The following BLTP3B variants were observed in gnomAD, a reference collection of about 807,000 sequenced individuals.
BLTP3B encodes the protein UHRF1 (ICBP90) binding protein 1-like.
chr12:100,115,549 C>G, the BLTP3B span, among the ~76,000 whole-genome samples: 1 of 152,128 alleles, frequency 6.6e-6, no homozygotes, highest in African/African-American at 2.4e-5. Flanking sequence ...CCAGGTGGAT[C>G]ACTTTAGCTC....
chr12:100,117,703 G>T, the BLTP3B span, among the ~76,000 whole-genome samples: 6 of 151,876 alleles, frequency 4.0e-5, no homozygotes, highest in Non-Finnish European at 7.4e-5. Context: ...GTCTCGCTGT[G>T]TTGCCCAGGC....
chr12:100,047,985 C>T, the BLTP3B span: 1 of 1,581,482 alleles, frequency 6.3e-7, no homozygotes, highest in Non-Finnish European at 8.6e-7. Context: ...TCTTCATTGG[C>T]ATTACTGTTG....
chr12:100,045,638 T>TA, the BLTP3B span, among the ~76,000 whole-genome samples: 16 of 152,272 alleles, frequency 1.1e-4, no homozygotes, highest in East Asian at 1.7e-3. Context: ...TTAGAAAACC[T>TA]AGGCAATACC....
chr12:100,059,322 A>G, the BLTP3B span: 4 of 1,613,964 alleles, frequency 2.5e-6, no homozygotes, highest in Non-Finnish European at 3.4e-6. Context: ...TGGATGTAGA[A>G]GATTAAAATT....
chr12:100,064,754 T>C, the BLTP3B span, among the ~76,000 whole-genome samples: 1 of 151,908 alleles, frequency 6.6e-6, no homozygotes, highest in Non-Finnish European at 1.5e-5. Context: ...AATTTACCAC[T>C]ATCAAGCCAC....
chr12:100,122,212 C>G, the BLTP3B span, among the ~76,000 whole-genome samples: 1 of 152,286 alleles, frequency 6.6e-6, no homozygotes, highest in Admixed American at 6.5e-5. Flanking sequence ...CCCATTGCAT[C>G]TGCCATCCAA....
chr12:100,038,111 T>C, the BLTP3B span, among the ~76,000 whole-genome samples: 1 of 152,296 alleles, frequency 6.6e-6, no homozygotes, highest in South Asian at 2.1e-4. Context: ...CACAGCTGTT[T>C]CATATTTATC....
chr12:100,112,854 A>G, the BLTP3B span, among the ~76,000 whole-genome samples: 1 of 131,702 alleles, frequency 7.6e-6, no homozygotes. Context: ...GCAAGACTCC[A>G]TCTCAAAAAA....
the BLTP3B span, among the ~76,000 whole-genome samples, chr12:100,120,756 G>A: frequency 1.3e-5 from 2 of 151,942 alleles, no homozygotes; most frequent in African/African-American, 2.4e-5. Flanking sequence ...GAAAAGCTTA[G>A]GACCTTCATA....
At chr12:100,057,939 G>A in the BLTP3B span, 2 of 1,431,248 alleles carry the variant, frequency 1.4e-6, no homozygotes, top group South Asian at 1.4e-5. Context: ...TTTGTCATGA[G>A]CTTTTCTGCC....
At chr12:100,057,457 T>C in the BLTP3B span, 10 of 645,206 alleles carry the variant, frequency 1.5e-5, no homozygotes, top group African/African-American at 1.9e-5. Flanking sequence ...TTATGTTCAG[T>C]AACTTTAAAA....
At chr12:100,051,390 G>A in the BLTP3B span, 25 of 534,642 alleles carry the variant, frequency 4.7e-5, no homozygotes, top group African/African-American at 4.5e-4. Flanking sequence ...AGCAAACAAT[G>A]AATGTGCTAT....
the BLTP3B span, chr12:100,051,120 T>C: frequency 6.2e-7 from 1 of 1,614,128 alleles, no homozygotes; most frequent in Non-Finnish European, 8.5e-7. Context: ...GAATTTGTAC[T>C]GATGGCATCT....
chr12:100,051,301 A>G, the BLTP3B span: 1 of 1,297,578 alleles, frequency 7.7e-7, no homozygotes, highest in Non-Finnish European at 1.0e-6. Context: ...TTTAACAAAA[A>G]TGGACTATCC....
At chr12:100,128,629 C>T in the BLTP3B span, 27 of 1,284,888 alleles carry the variant, frequency 2.1e-5, no homozygotes, top group Non-Finnish European at 2.6e-5. Flanking sequence ...TGAAAGCAAG[C>T]AGTCAGTTGC....
the BLTP3B span, chr12:100,089,043 T>C: frequency 6.2e-7 from 1 of 1,609,144 alleles, no homozygotes; most frequent in Middle Eastern, 1.7e-4. Context: ...ATCAGGAGCA[T>C]TTGAAGTTTG....
chr12:100,128,764 A>T, the BLTP3B span: 1 of 1,251,564 alleles, frequency 8.0e-7, no homozygotes, highest in Non-Finnish European at 1.0e-6. Context: ...AGAAGGGAGC[A>T]AGTTTAAGGG....
the BLTP3B span, chr12:100,037,438 C>T: frequency 2.3e-6 from 3 of 1,322,486 alleles, no homozygotes; most frequent in Non-Finnish European, 2.9e-6. Flanking sequence ...CCCCAAAACA[C>T]AAAACAACCA....
At chr12:100,102,086 C>T in the BLTP3B span, among the ~76,000 whole-genome samples, 1 of 151,482 alleles carries the variant, frequency 6.6e-6, no homozygotes, top group South Asian at 2.1e-4. Context: ...AGGCGTGGGC[C>T]ACTACACCGA....
Sources: gnomAD v4.1 joint callset for allele counts (sites outside exome capture counted in the v4.1 genomes callset) on GRCh38, gnomAD v4.1.1 for gene constraint, MANE v1.5 for transcripts, NCBI Gene and HGNC (gene_info 2026-07-23, HGNC 2026-07-21) for gene names.